The following PSG1 variants were observed in gnomAD, a reference collection of about 807,000 sequenced individuals.
PSG1 encodes pregnancy-specific beta-1-glycoprotein 1.
A neutral mutation model predicts 41.4 loss-of-function variants in PSG1; 60 were observed. The ratio of observed to expected loss-of-function variants is 1.45; its 90% confidence interval spans 1.18 to 1.80. The LOEUF (loss-of-function observed/expected upper bound fraction) is 1.80. Ranked by LOEUF, PSG1 falls within the 40% of genes most tolerant of loss-of-function variation. The pLI, the probability that PSG1 is intolerant of heterozygous loss-of-function variation, is 0.00. For synonymous variants in PSG1, 256 were observed against 192.9 expected, an observed-to-expected ratio of 1.33 and a Z score of -2.71; for missense variants, 806 against 516.9, an observed-to-expected ratio of 1.56 and a Z score of -5.42.
At chr19:42,877,466 T>C (rs8111762) in intron 2 of PSG1, among the ~76,000 whole-genome samples, 53,625 of 151,310 alleles carry the variant, frequency 0.35, 11,042 homozygotes, top group African/African-American at 0.51. Flanking sequence ...CACAACCCAG[T>C]CCCAGCACAG....
chr19:42,872,121 G>A lies in PSG1; in HGVS notation c.431-76C>T, dbSNP rs1413098284. ...CCAAAGGCATTTTTCAATCAGAATTGGCATTTCCCACCTCTCAGCCCACCC... is the reference window on the plus strand; with the variant it reads ...CCAAAGGCATTTTTCAATCAGAATTAGCATTTCCCACCTCTCAGCCCACCC... On this transcript the variant is annotated intron_variant, in intron 2 of 5. Transcript: ENST00000436291. 2.3e-5 allele frequency: 35 copies of A among 1,544,916 alleles called. 1 individual carries two copies. In the South Asian group the frequency reaches 4.0e-4, roughly 18 times the overall value.
chr19:42,876,601 G>T, intron 2 of PSG1: 1 of 344,926 alleles, frequency 2.9e-6, no homozygotes, highest in South Asian at 2.7e-5. Context: ...TAGAGTGTGA[G>T]TGGGGAAAGA....
chr19:42,869,344 G>A, intron 3 of PSG1: 1 of 507,610 alleles, frequency 2.0e-6, no homozygotes, highest in Non-Finnish European at 3.2e-6. Context: ...CTAATCAGTT[G>A]ACTGGCTGGC....
rs369940296 is a variant in PSG1, at chr19:42,869,075, T to A, written c.710-41A>T. 8.8e-5 allele frequency: 141 copies of A among 1,595,648 alleles called. 2 individuals are homozygous for A. In the African/African-American group the frequency reaches 1.6e-3, roughly 19 times the overall value. ...AGAGAAGATTGTCCTGTGTGGCACCTTTGATTCCTCCACAGGTATCCTTCA... is the reference window on the plus strand; with the variant it reads ...AGAGAAGATTGTCCTGTGTGGCACCATTGATTCCTCCACAGGTATCCTTCA... On this transcript the variant is annotated intron_variant, in intron 3 of 5. Transcript: ENST00000436291.
rs752604237 is a variant in PSG1 at position 42,878,286 on chromosome 19, G to A, written c.65-8C>T. 1.2e-6 allele frequency: 2 copies of A among 1,600,726 alleles called. No homozygotes were observed. On this transcript the variant is annotated splice_polypyrimidine_tract_variant and splice_region_variant and intron_variant, in intron 1 of 5. Coordinates refer to ENST00000436291, the MANE Select transcript of PSG1 (RefSeq NM_001184825.2). ...AGAAGTTTAAAAGTGATGCTAGGAG[G>A]TGGAGAGAACATCAGTCAATATTGA...
chr19:42,874,092 C>T (rs1971505625), intron 2 of PSG1: 1 of 151,682 alleles, frequency 6.6e-6, no homozygotes. Flanking sequence ...GTCCCCAAAA[C>T]CACCGGTATT....
Position 42,871,146 on chromosome 19 carries a change from C to G in PSG1, c.709+621G>C, listed in dbSNP as rs192166804. Reference sequence around the variant, plus strand: ...CCTCTTGATTATGAGATTTGTTCCACCAGTGGCTGAGTTATGGATGAAACA... The same window carrying G: ...CCTCTTGATTATGAGATTTGTTCCAGCAGTGGCTGAGTTATGGATGAAACA... On this transcript the variant is annotated intron_variant, in intron 3 of 5. Transcript: ENST00000436291. 2.4e-4 allele frequency among the ~76,000 whole-genome samples: 37 copies of G among 151,724 alleles called. 2 individuals are homozygous for G. The highest frequency in any genetic ancestry group is 3.9e-4 in the East Asian group (2 of 5,158).
In PSG1 at chr19:42,868,738, G is replaced by A. The variant is rs1971248576; in HGVS notation, c.988+18C>T. 1.9e-6 allele frequency: 3 copies of A among 1,610,592 alleles called. No individual in the cohort carries two copies. Among genetic ancestry groups the A allele is most frequent in the African/African-American group, 2.7e-5 (2 of 74,632 alleles). ...TTAAGCTGGTGTCCTGGCCCACAGA[G>A]GAACAAAAGATACTCACAGAGGACA... On this transcript the variant is annotated intron_variant, in intron 4 of 5. Coordinates refer to ENST00000436291, the MANE Select transcript of PSG1 (RefSeq NM_001184825.2).
rs1244389871 is a variant in PSG1 at position 42,869,027 on chromosome 19, C to T, written c.717G>A (p.Leu239=). Residue 239 remains leucine (L), a synonymous_variant, in exon 4 of 6, where the codon CTG becomes CTA. Transcript: ENST00000436291. Reference sequence around the variant, plus strand: ...TGTTGATGGTGATGTAGGGCTTGGGCAGCTTCGCTGTGTGGATAACAGAGA... The same window carrying T: ...TGTTGATGGTGATGTAGGGCTTGGGTAGCTTCGCTGTGTGGATAACAGAGA... ...DPVTLNLLPK[L]PKPYITINNL... 1.9e-6 allele frequency: 3 copies of T among 1,609,358 alleles called. No individual in the cohort carries two copies. The highest frequency in any genetic ancestry group is 2.2e-5 in the South Asian group (2 of 90,406).
chr19:42,876,125 G>A (rs929337560), intron 2 of PSG1, among the ~76,000 whole-genome samples: 4 of 151,410 alleles, frequency 2.6e-5, no homozygotes, highest in African/African-American at 4.9e-5. Context: ...GTGGTTAGAG[G>A]GAGTGTCTAG....
In PSG1 at chr19:42,871,836, G is replaced by T. The variant is rs1454467797; in HGVS notation, c.640C>A (p.Pro214Thr). ...LLGVTKYTAGPYECEIRNPVS... is the reference protein window; with the variant it reads ...LLGVTKYTAGTYECEIRNPVS... ...GGGTTCCGTATTTCACATTCATAGG[G>T]TCCTGCAGTATACTTTGTGACACCC... is the stretch of plus-strand genomic sequence containing the variant. The change falls in exon 3 of 6, where the codon CCC becomes ACC. Residue 214 changes from proline to threonine, a missense_variant. Pro to Thr is a conservative substitution (Grantham distance 38, BLOSUM62 -1). Transcript: ENST00000436291. 2 of 1,612,548 alleles carry T rather than the reference G, an allele frequency of 1.2e-6. No individual in the cohort carries two copies. The highest frequency in any genetic ancestry group is 4.5e-5 in the East Asian group (2 of 44,802).
At chr19:42,877,706 T>C (rs1052730518) in intron 2 of PSG1, among the ~76,000 whole-genome samples, 1 of 151,620 alleles carries the variant, frequency 6.6e-6, no homozygotes, top group African/African-American at 2.4e-5. Flanking sequence ...CTGCAGCGAG[T>C]GTCTGCAGGG....
intron 2 of PSG1, 112 bp from the exon 3 acceptor site, chr19:42,872,157 A>G: frequency 1.4e-6 from 2 of 1,430,272 alleles, no homozygotes; most frequent in Non-Finnish European, 1.9e-6. Flanking sequence ...AAGTCCTTAA[A>G]AGCCCATGGC....
intron 2 of PSG1, among the ~76,000 whole-genome samples, chr19:42,877,274 T>G (rs1490228351): frequency 2.0e-5 from 3 of 151,596 alleles, no homozygotes; most frequent in Non-Finnish European, 4.4e-5. Context: ...CTAAGGCAGT[T>G]GGGTGATGGC....
intron 5 of PSG1, 189 bp downstream of exon 5, chr19:42,867,912 A>G: frequency 6.7e-7 from 1 of 1,500,202 alleles, no homozygotes; most frequent in Non-Finnish European, 9.0e-7. Flanking sequence ...AATATTATGA[A>G]GATATCAGCC....
intron 5 of PSG1, 85 bp from the exon 6 acceptor site, chr19:42,867,235 A>G (rs1400091072): frequency 1.3e-6 from 1 of 756,474 alleles, no homozygotes; most frequent in Admixed American, 1.7e-5. Context: ...TTTTCCACAT[A>G]ATTTTTCCCT....
At position 42,869,239 on chromosome 19, in the gene PSG1, C is replaced by T. The variant is rs1451067114; in HGVS notation, c.710-205G>A. 3.9e-5 allele frequency: 46 copies of T among 1,187,186 alleles called. No individual in the cohort carries two copies. The Middle Eastern group carries it at 5.9e-3, about 151-fold the overall frequency. 73.5% of individuals were successfully genotyped at this position (1,187,186 alleles called of 1,614,324 possible). A position where few individuals can be genotyped will look rare whatever the true frequency, so the allele number is the denominator to read the frequency against. ...CCGCCTTCTCTGTCTTAGGGAAGCA[C>T]AGACTTTCTGAAGTGTCAATTGAGC... On this transcript the variant is annotated intron_variant, in intron 3 of 5. Transcript: ENST00000436291.
chr19:42,871,245 G>C (rs139978021), intron 3 of PSG1, among the ~76,000 whole-genome samples: 1 of 151,652 alleles, frequency 6.6e-6, no homozygotes, highest in Non-Finnish European at 1.5e-5. Context: ...GAACTTCCCA[G>C]CAATCAGCCA....
At chr19:42,867,459 C>T (rs192431094) in intron 5 of PSG1, 3 of 575,524 alleles carry the variant, frequency 5.2e-6, no homozygotes, top group Non-Finnish European at 6.2e-6. Context: ...GAATAGGAAG[C>T]CAAACCAAGG....
Sources: gnomAD v4.1 joint callset for allele counts (sites outside exome capture counted in the v4.1 genomes callset) on GRCh38, gnomAD v4.1.1 for gene constraint, MANE v1.5 for transcripts, NCBI Gene and HGNC (gene_info 2026-07-23, HGNC 2026-07-21) for gene names.